ATXN2: variants seen among roughly 807,000 people sequenced by gnomAD.
ATXN2 encodes ataxin-2.
ATXN2 carries 37 observed loss-of-function variants against 138.6 expected under a neutral mutation model. The observed-to-expected ratio is 0.27, with a 90% CI of 0.21 to 0.35. The LOEUF (loss-of-function observed/expected upper bound fraction) is 0.35. Ranked by LOEUF, ATXN2 falls within the 10% of genes least tolerant of loss-of-function variation. The probability of loss-of-function intolerance (pLI) is 1.00; values close to 1 mark genes in which losing one functional copy is unlikely to be tolerated. For synonymous variants in ATXN2, 549 were observed against 543.7 expected (o/e 1.01, Z -0.13); for missense variants, 1,216 against 1,480.3 (o/e 0.82, Z 2.93).
intron 16 of ATXN2, 44 bp downstream of exon 16, chr12:111,486,717 C>CT (rs762230052): frequency 3.3e-6 from 5 of 1,531,484 alleles, no homozygotes; most frequent in Non-Finnish European, 4.5e-6. Flanking sequence ...AATAATTTTT[C>CT]TTTTTTTGGG....
At position 111,453,282 on chromosome 12, in the gene ATXN2, T is replaced by C. The variant is rs1874808539; in HGVS notation, c.3439+395A>G. On this transcript the variant is annotated intron_variant, in intron 24 of 24. Transcript: ENST00000673436. This position sits in a 1 kb window ranked among gnomAD's most constrained non-coding sequence, Gnocchi z 5.4. ...TCCATCCACAGCGCTTTCTCAGCAG[T>C]ATCTTCTCCAGAGCTACAATCAAAC... 1.9e-6 allele frequency: 2 copies of C among 1,058,658 alleles called. No individual in the cohort carries two copies. The highest frequency in any genetic ancestry group is 2.3e-6 in the Non-Finnish European group (2 of 878,186). The allele number at this position is 1,058,658 out of a possible 1,614,324, so 65.6% of individuals were successfully genotyped here. A position where few individuals can be genotyped will look rare whatever the true frequency, so the allele number is the denominator to read the frequency against.
intron 20 of ATXN2, among the ~76,000 whole-genome samples, chr12:111,465,020 T>C (rs1214487296): frequency 6.6e-6 from 1 of 152,186 alleles, no homozygotes; most frequent in East Asian, 1.9e-4. Flanking sequence ...ATATAAATCA[T>C]GTACCAAAAT....
intron 21 of ATXN2, chr12:111,457,563 A>G (rs1396723313): frequency 5.6e-6 from 3 of 536,776 alleles, no homozygotes; most frequent in Non-Finnish European, 6.4e-6. Context: ...CATTTGGTTC[A>G]TATAATACAG....
At chr12:111,588,188 AAAATAAATAAAT>A (rs34646187) in intron 1 of ATXN2, among the ~76,000 whole-genome samples, 12 of 149,004 alleles carry the variant, frequency 8.1e-5, no homozygotes, top group Admixed American at 1.3e-4. Context: ...TCCTATCACA[AAAATAAATAAAT>A]AAATAAATAA....
chr12:111,581,005 G>A (rs1322031532), intron 1 of ATXN2, among the ~76,000 whole-genome samples: 1 of 151,982 alleles, frequency 6.6e-6, no homozygotes, highest in Middle Eastern at 3.4e-3. Context: ...GGCTGTGGTG[G>A]CAGGTGCCTG....
At chr12:111,558,162 A>G (rs1182954705) in intron 1 of ATXN2, among the ~76,000 whole-genome samples, 1 of 152,238 alleles carries the variant, frequency 6.6e-6, no homozygotes, top group African/African-American at 2.4e-5. Context: ...ATTTCCACTG[A>G]TCTATGACAC....
chr12:111,584,488 AT>A (rs1884211721), intron 1 of ATXN2, among the ~76,000 whole-genome samples: 1 of 151,412 alleles, frequency 6.6e-6, no homozygotes, highest in South Asian at 2.1e-4. Flanking sequence ...CAAAAATTAC[AT>A]TTTGAATTAC....
intron 1 of ATXN2, among the ~76,000 whole-genome samples, chr12:111,563,488 G>A (rs1332382799): frequency 6.6e-6 from 1 of 152,052 alleles, no homozygotes; most frequent in Non-Finnish European, 1.5e-5. Context: ...GAATGCCCTT[G>A]TTATTAGTAC....
chr12:111,509,791 T>C, intron 13 of ATXN2, 100 bp downstream of exon 13: 1 of 1,022,708 alleles, frequency 9.8e-7, no homozygotes, highest in South Asian at 1.5e-5. Context: ...ATCACAATAG[T>C]AAGAAGAAAT....
rs752469542 is a variant in ATXN2 at position 111,510,460 on chromosome 12, C to T, written c.1681G>A (p.Ala561Thr). The T allele has an allele frequency of 6.2e-7, 1 of 1,614,106 alleles. No homozygotes were observed. ...QAGIIPTEAV[A>T]MPIPAASPTP... ...GGAGATGCAGCTGGAATAGGCATGGCAACAGCTTCAGTTGGAATAATACCA... is the reference window on the plus strand; with the variant it reads ...GGAGATGCAGCTGGAATAGGCATGGTAACAGCTTCAGTTGGAATAATACCA... The change falls in exon 12 of 25, where the codon GCC becomes ACC. Residue 561 changes from alanine to threonine, a missense_variant. Transcript: ENST00000673436.
At chr12:111,561,677 T>C (rs185049393) in intron 1 of ATXN2, among the ~76,000 whole-genome samples, 1 of 151,934 alleles carries the variant, frequency 6.6e-6, no homozygotes, top group East Asian at 2.0e-4. Context: ...CTACTAAAAC[T>C]ATAAAAATTA....
chr12:111,577,456 G>A (rs1208129440), intron 1 of ATXN2, among the ~76,000 whole-genome samples: 6 of 151,526 alleles, frequency 4.0e-5, no homozygotes, highest in Admixed American at 2.0e-4. Context: ...TAGTAGAGAC[G>A]GGGTTTCACC....
chr12:111,493,418 C>CAA (rs59185968), intron 14 of ATXN2, among the ~76,000 whole-genome samples: 10,711 of 44,446 alleles, frequency 0.24, 1,277 homozygotes, highest in East Asian at 0.36. Context: ...GACTCTGTCT[C>CAA]AAAAAAAAAA....
At chr12:111,455,218 T>C in intron 23 of ATXN2, 1 of 682,044 alleles carries the variant, frequency 1.5e-6, no homozygotes, top group Non-Finnish European at 2.7e-6. Flanking sequence ...ATACAGCCAA[T>C]TCACCCGTAA....
intron 1 of ATXN2, among the ~76,000 whole-genome samples, chr12:111,588,887 C>T (rs922932618): frequency 2.8e-5 from 4 of 140,706 alleles, no homozygotes; most frequent in South Asian, 2.3e-4. Context: ...CCCAGCTACT[C>T]GGGAGGCTGA....
chr12:111,563,681 C>A (rs1288148053), intron 1 of ATXN2, among the ~76,000 whole-genome samples: 2 of 152,044 alleles, frequency 1.3e-5, no homozygotes, highest in Admixed American at 6.6e-5. Context: ...TTTATAATAT[C>A]TTTGCAATTT....
chr12:111,466,488 G>A (rs1375608785), intron 20 of ATXN2, among the ~76,000 whole-genome samples: 1 of 152,164 alleles, frequency 6.6e-6, no homozygotes, highest in Non-Finnish European at 1.5e-5. Flanking sequence ...GCGACAGGGA[G>A]AGACTCCATC....
chr12:111,465,904 G>A (rs1382047902), intron 20 of ATXN2, among the ~76,000 whole-genome samples: 7 of 151,062 alleles, frequency 4.6e-5, no homozygotes, highest in Non-Finnish European at 8.9e-5. Context: ...AGTGGCTCAC[G>A]CCTGTAATCC....
chr12:111,563,117 C>T (rs1405526900), intron 1 of ATXN2, among the ~76,000 whole-genome samples: 5 of 152,046 alleles, frequency 3.3e-5, no homozygotes, highest in African/African-American at 1.2e-4. Context: ...CAGATAAACC[C>T]TAGTTGAGGG....
Sources: allele counts gnomAD v4.1 joint callset (sites outside exome capture counted in the v4.1 genomes callset), GRCh38; gene constraint gnomAD v4.1.1; non-coding constraint Gnocchi (gnomAD v3.1); transcripts MANE v1.5; gene names NCBI Gene and HGNC (gene_info 2026-07-23, HGNC 2026-07-21).